Variants in ABL2 observed in about 807,000 individuals in gnomAD.
The protein encoded by ABL2 is tyrosine-protein kinase ABL2.
In ABL2, 49 loss-of-function variants were observed where a neutral mutation model predicts 107.7. The observed-to-expected ratio is 0.45, with a 90% CI of 0.36 to 0.58. ABL2 has a LOEUF of 0.58. Ranked by LOEUF, ABL2 falls within the 20% of genes least tolerant of loss-of-function variation. The probability of loss-of-function intolerance (pLI) is 0.00; values close to 1 mark genes in which losing one functional copy is unlikely to be tolerated. For missense variants in ABL2, 1,245 were observed against 1,457.0 expected (o/e 0.85, Z 2.37); for synonymous variants, 549 against 548.6 (o/e 1.00, Z -0.01).
intron 1 of ABL2, among the ~76,000 whole-genome samples, chr1:179,153,581 G>A (rs1295220554): frequency 6.6e-6 from 1 of 152,098 alleles, no homozygotes; most frequent in Admixed American, 6.6e-5. Context: ...CTATGTGTGT[G>A]TGAAATCGTC....
At chr1:179,109,708 CAGG>C (rs1325890891) in intron 11 of ABL2, among the ~76,000 whole-genome samples, 1 of 152,016 alleles carries the variant, frequency 6.6e-6, no homozygotes, top group Non-Finnish European at 1.5e-5. Context: ...GCAGGAGGAT[CAGG>C]AGGTCAGGAG....
At chr1:179,214,356 A>AAGAT (rs972671128) in intron 1 of ABL2, among the ~76,000 whole-genome samples, 2 of 151,978 alleles carry the variant, frequency 1.3e-5, no homozygotes, top group African/African-American at 4.8e-5. Flanking sequence ...AGATCTTTGG[A>AAGAT]AGATATAAGA....
At chr1:179,191,070 C>G (rs1660982314) in intron 1 of ABL2, among the ~76,000 whole-genome samples, 1 of 152,142 alleles carries the variant, frequency 6.6e-6, no homozygotes, top group Non-Finnish European at 1.5e-5. Flanking sequence ...ACTCCCAGTT[C>G]TCTTGAAAAC....
Position 179,107,013 on chromosome 1 carries a change from G to C in ABL2, c.*705C>G, listed in dbSNP as rs907920676. The C allele has an allele frequency of 7.8e-5, 18 of 229,830 alleles. No individual in the cohort carries two copies. The highest frequency in any genetic ancestry group is 4.0e-4 in the African/African-American group (18 of 45,158). The allele number at this position is 229,830 out of a possible 1,614,324, so 14.2% of individuals were successfully genotyped here. A position where few individuals can be genotyped will look rare whatever the true frequency, so the allele number is the denominator to read the frequency against. On this transcript the variant is annotated 3_prime_UTR_variant, in exon 12 of 12. Transcript: ENST00000502732. ...ATTATGAAATAATATACCAGACTGG[G>C]AGAAGTGACTTCTGCTAATCTGTGT...
chr1:179,149,447 C>T (rs772029810), intron 1 of ABL2, among the ~76,000 whole-genome samples: 1 of 152,164 alleles, frequency 6.6e-6, no homozygotes, highest in Non-Finnish European at 1.5e-5. Flanking sequence ...GCTAAGATCA[C>T]CGATGAATGT....
At position 179,102,587 on chromosome 1, in the gene ABL2, C is replaced by CA. The variant is rs1449634697; in HGVS notation, c.*5130dup. 4.4e-6 allele frequency: 1 copy of CA among 227,840 alleles called. No individual in the cohort carries two copies. The allele number at this position is 227,840 out of a possible 1,614,324, so 14.1% of individuals were successfully genotyped here. On this transcript the variant is annotated 3_prime_UTR_variant, in exon 12 of 12. Transcript: ENST00000502732. ...ATCCTTAGGGCACAGAGATGAACCC[C>CA]AAATCCAGGTGGAACAATTTAATGC...
intron 1 of ABL2, 74 bp downstream of exon 1, chr1:179,229,167 T>TGCGG: frequency 1.5e-5 from 6 of 402,566 alleles, no homozygotes; most frequent in Non-Finnish European, 2.3e-5. Flanking sequence ...GGGCAGCCCG[T>TGCGG]CCGCCACCCA....
chr1:179,110,060 C>A (rs994591342), intron 11 of ABL2, among the ~76,000 whole-genome samples: 4 of 152,140 alleles, frequency 2.6e-5, no homozygotes, highest in Admixed American at 6.5e-5. Context: ...TTTGATGGAA[C>A]TGTAAAGATG....
chr1:179,149,272 A>C (rs1051522955), intron 1 of ABL2, among the ~76,000 whole-genome samples: 1 of 152,242 alleles, frequency 6.6e-6, no homozygotes, highest in African/African-American at 2.4e-5. Flanking sequence ...AACTCTCTTC[A>C]ATTCTGTGAA....
At chr1:179,110,188 G>C in intron 11 of ABL2, 94 bp downstream of exon 11, 2 of 1,430,952 alleles carry the variant, frequency 1.4e-6, no homozygotes, top group Non-Finnish European at 2.0e-6. Flanking sequence ...CCCCAGGGAG[G>C]ACGGGCATGA....
chr1:179,158,864 GAA>G (rs1658869352), intron 1 of ABL2, among the ~76,000 whole-genome samples: 2 of 152,180 alleles, frequency 1.3e-5, no homozygotes, highest in African/African-American at 2.4e-5. Flanking sequence ...CATATTAACA[GAA>G]AAGAGTCATG....
chr1:179,188,408 G>A (rs1019012880), intron 1 of ABL2, among the ~76,000 whole-genome samples: 14 of 152,052 alleles, frequency 9.2e-5, no homozygotes, highest in Non-Finnish European at 1.9e-4. Flanking sequence ...ATAGCGGGAC[G>A]TGGTGGCACA....
At chr1:179,139,363 A>G (rs1299651374) in intron 1 of ABL2, among the ~76,000 whole-genome samples, 3 of 152,102 alleles carry the variant, frequency 2.0e-5, no homozygotes, top group Non-Finnish European at 4.4e-5. Context: ...TGAGCCAGCG[A>G]GACCACGAAC....
At chr1:179,213,046 C>CAAA (rs368969682) in intron 1 of ABL2, among the ~76,000 whole-genome samples, 9 of 81,232 alleles carry the variant, frequency 1.1e-4, no homozygotes, top group South Asian at 4.3e-4. Flanking sequence ...AACTCCGTCT[C>CAAA]AAAAAAAAAA....
chr1:179,128,877 G>T (rs1324396362), intron 3 of ABL2, among the ~76,000 whole-genome samples: 1 of 151,870 alleles, frequency 6.6e-6, no homozygotes, highest in Non-Finnish European at 1.5e-5. Flanking sequence ...AGAGACAGGG[G>T]TCTCACTACA....
chr1:179,133,425 G>C lies in ABL2; in HGVS notation c.158-51C>G, dbSNP rs776958833. On this transcript the variant is annotated intron_variant, in intron 1 of 11. Transcript: ENST00000502732. ...TCACTTTTCTTAAGCTTCTTCAATAGTTTAACATCAAGCTAAAGTCTCCTT... is the reference window on the plus strand; with the variant it reads ...TCACTTTTCTTAAGCTTCTTCAATACTTTAACATCAAGCTAAAGTCTCCTT... 1.9e-6 allele frequency: 3 copies of C among 1,613,654 alleles called. No individual in the cohort carries two copies. The East Asian group carries it at 6.7e-5, about 36-fold the overall frequency.
chr1:179,169,893 G>A (rs1410163424), intron 1 of ABL2, among the ~76,000 whole-genome samples: 2 of 152,040 alleles, frequency 1.3e-5, no homozygotes, highest in African/African-American at 2.4e-5. Flanking sequence ...GCTGGGCAGA[G>A]TTACATGTGC....
At chr1:179,121,892 A>C (rs1202602455) in intron 4 of ABL2, 25 bp from the exon 5 acceptor site, 1 of 1,545,674 alleles carries the variant, frequency 6.5e-7, no homozygotes, top group Non-Finnish European at 8.7e-7. Context: ...AGAAAAGCTA[A>C]ACAACTTGAA....
rs1462995400 is a variant in ABL2, at chr1:179,108,488, G to T, written c.2779C>A (p.His927Asn). The T allele has an allele frequency of 1.2e-6, 2 of 1,614,094 alleles. No individual in the cohort carries two copies. Among genetic ancestry groups the T allele is most frequent in the Non-Finnish European group, 1.7e-6 (2 of 1,180,052 alleles). ...AKAAPVLPTT[H>N]NHKVPVLISP... is the part of the protein sequence containing the mutation. Reference sequence around the variant, plus strand: ...ATAAGGACTGGCACTTTGTGGTTGTGAGTGGTTGGGAGGACGGGGGCAGCC... The same window carrying T: ...ATAAGGACTGGCACTTTGTGGTTGTTAGTGGTTGGGAGGACGGGGGCAGCC... Residue 927 changes from histidine to asparagine, a missense_variant, in exon 12 of 12, where the codon CAC becomes AAC. His to Asn is a moderately conservative substitution (Grantham distance 68). Transcript: ENST00000502732.
Sources: gnomAD v4.1 joint callset for allele counts (sites outside exome capture counted in the v4.1 genomes callset) on GRCh38, gnomAD v4.1.1 for gene constraint, MANE v1.5 for transcripts, NCBI Gene and HGNC (gene_info 2026-07-23, HGNC 2026-07-21) for gene names.